FRMD4A: variants seen among roughly 807,000 people sequenced by gnomAD.
The protein encoded by FRMD4A is FERM domain-containing protein 4A.
FRMD4A carries 29 observed loss-of-function variants against 129.1 expected under a neutral mutation model. The ratio of observed to expected loss-of-function variants is 0.22; its 90% CI spans 0.17 to 0.31. FRMD4A has a LOEUF of 0.31. FRMD4A is among the 10% of genes least tolerant of loss of function. The pLI, the probability that FRMD4A is intolerant of heterozygous loss-of-function variation, is 1.00. For missense variants in FRMD4A, 1,272 were observed against 1,375.8 expected (o/e 0.92, Z 1.19); for synonymous variants, 634 against 571.6 (o/e 1.11, Z -1.56).
chr10:13,911,180 C>T (rs745762706), intron 2 of FRMD4A, among the ~76,000 whole-genome samples: 4 of 152,114 alleles, frequency 2.6e-5, no homozygotes, highest in Admixed American at 2.0e-4. Flanking sequence ...GAGTGGCTCA[C>T]AAATCTTTTT....
chr10:13,718,645 C>T (rs2089110052), intron 12 of FRMD4A, among the ~76,000 whole-genome samples: 1 of 152,224 alleles, frequency 6.6e-6, no homozygotes, highest in South Asian at 2.1e-4. Flanking sequence ...CTGCAGTGTG[C>T]AGATTGACTT....
At chr10:14,147,207 G>A (rs994765271) in intron 2 of FRMD4A, among the ~76,000 whole-genome samples, 1 of 152,162 alleles carries the variant, frequency 6.6e-6, no homozygotes, top group African/African-American at 2.4e-5. Context: ...CAGATCAGGT[G>A]AGAGTCTAAA....
intron 2 of FRMD4A, among the ~76,000 whole-genome samples, chr10:14,105,984 T>A (rs1235174628): frequency 6.6e-6 from 1 of 152,242 alleles, no homozygotes; most frequent in Non-Finnish European, 1.5e-5. Flanking sequence ...TCATCATCTG[T>A]TGATCTCTGC....
chr10:13,733,258 A>C (rs530887327), intron 12 of FRMD4A, among the ~76,000 whole-genome samples: 1 of 152,360 alleles, frequency 6.6e-6, no homozygotes, highest in South Asian at 2.1e-4. Context: ...TTGGCAATGC[A>C]AGAAAAACAA....
chr10:13,978,930 C>T (rs1253138857), intron 2 of FRMD4A, among the ~76,000 whole-genome samples: 1 of 152,170 alleles, frequency 6.6e-6, no homozygotes, highest in African/African-American at 2.4e-5. Context: ...CATGATTATA[C>T]AAGTGATCCT....
chr10:13,936,060 C>T (rs775110042), intron 2 of FRMD4A, among the ~76,000 whole-genome samples: 95 of 152,334 alleles, frequency 6.2e-4, no homozygotes, highest in Non-Finnish European at 9.6e-4. Flanking sequence ...CAGATATGGA[C>T]TCAGTTACAC....
rs571951829 is a variant in FRMD4A at position 13,756,428 on chromosome 10, T to C, written c.464+5219A>G. ...TGGAGTGCAGTGGTGCAATCTCGGC[T>C]CACTGCAGCGGCAGCCTCTGCCTCC... On this transcript the variant is annotated intron_variant, in intron 8 of 24. Coordinates refer to ENST00000357447, the MANE Select transcript of FRMD4A (RefSeq NM_018027.5). Among the ~76,000 whole-genome samples the C allele has an allele frequency of 5.3e-5, 8 of 152,370 alleles. No individual in the cohort carries two copies. In the South Asian group the frequency reaches 1.7e-3, roughly 32 times the overall value.
chr10:14,212,041 T>C (rs180781759), intron 2 of FRMD4A, among the ~76,000 whole-genome samples: 4 of 152,264 alleles, frequency 2.6e-5, no homozygotes, highest in Admixed American at 2.6e-4. Context: ...TCCCCTGTGA[T>C]CCTTCCAACA....
At chr10:13,782,143 T>C (rs2092752796) in intron 6 of FRMD4A, among the ~76,000 whole-genome samples, 1 of 129,372 alleles carries the variant, frequency 7.7e-6, no homozygotes, top group South Asian at 2.3e-4. Context: ...TTTTACAATT[T>C]TTTTTAAAAA....
intron 2 of FRMD4A, among the ~76,000 whole-genome samples, chr10:13,877,634 C>T (rs1446788138): frequency 6.6e-6 from 1 of 152,224 alleles, no homozygotes; most frequent in Non-Finnish European, 1.5e-5. Context: ...ACGGAGCAGT[C>T]CATCTGGGCT....
At chr10:13,832,709 G>A (rs905191610) in intron 3 of FRMD4A, among the ~76,000 whole-genome samples, 1 of 152,178 alleles carries the variant, frequency 6.6e-6, no homozygotes, top group Non-Finnish European at 1.5e-5. Flanking sequence ...GGGACTAGAG[G>A]GTGAGGCCTG....
chr10:14,115,417 C>T (rs1348804125), intron 2 of FRMD4A, among the ~76,000 whole-genome samples: 1 of 152,182 alleles, frequency 6.6e-6, no homozygotes, highest in Non-Finnish European at 1.5e-5. Context: ...GTTAGCTATA[C>T]TATGACTAGT....
chr10:14,202,869 C>T (rs1842680378), intron 2 of FRMD4A, among the ~76,000 whole-genome samples: 1 of 152,160 alleles, frequency 6.6e-6, no homozygotes, highest in South Asian at 2.1e-4. Context: ...ACCTCCCAGG[C>T]TCAAGTGATC....
intron 2 of FRMD4A, among the ~76,000 whole-genome samples, chr10:13,887,603 G>A (rs868075866): frequency 2.1e-4 from 32 of 152,168 alleles, no homozygotes; most frequent in Middle Eastern, 3.2e-3. Context: ...AGAGGTTGCC[G>A]TGAGCCGAGA....
At chr10:13,875,670 G>A (rs954218788) in intron 2 of FRMD4A, among the ~76,000 whole-genome samples, 3 of 152,130 alleles carry the variant, frequency 2.0e-5, no homozygotes, top group Non-Finnish European at 4.4e-5. Flanking sequence ...GAAAGAAATG[G>A]GAGAGAGACC....
chr10:14,162,641 G>GTTTTTTTTTTTTTTTT (rs71388160), intron 2 of FRMD4A, among the ~76,000 whole-genome samples: 5 of 118,390 alleles, frequency 4.2e-5, no homozygotes, highest in African/African-American at 1.0e-4. Context: ...TTTTTTTTTT[G>GTTTTTTTTTTTTTTTT]TTTTTTTTTT....
chr10:14,313,018 AC>A (rs1846610018), intron 2 of FRMD4A, among the ~76,000 whole-genome samples: 1 of 152,136 alleles, frequency 6.6e-6, no homozygotes, highest in African/African-American at 2.4e-5. Flanking sequence ...TTAATGTATA[AC>A]CCTTTGTATT....
intron 24 of FRMD4A, among the ~76,000 whole-genome samples, chr10:13,650,523 A>AC (rs2081484425): frequency 6.6e-6 from 1 of 152,158 alleles, no homozygotes; most frequent in South Asian, 2.1e-4. Context: ...TGTCAGCCCT[A>AC]TCTCCATCAC....
chr10:14,082,619 G>C (rs34407130), intron 2 of FRMD4A, among the ~76,000 whole-genome samples: 2,180 of 152,250 alleles, frequency 0.014, 21 homozygotes, highest in Non-Finnish European at 0.022. Context: ...CACTGAAGTT[G>C]AGTGACGAAA....
Sources: gnomAD v4.1 joint callset for allele counts (sites outside exome capture counted in the v4.1 genomes callset) on GRCh38, gnomAD v4.1.1 for gene constraint, MANE v1.5 for transcripts, NCBI Gene and HGNC (gene_info 2026-07-23, HGNC 2026-07-21) for gene names.